The following TSHZ2 variants were observed in gnomAD, a reference collection of about 807,000 sequenced individuals.
TSHZ2 encodes teashirt homolog 2.
TSHZ2 carries 21 observed loss-of-function variants against 74.4 expected under a neutral mutation model. The observed-to-expected ratio is 0.28, with a 90% confidence interval of 0.20 to 0.41. The LOEUF is 0.41. TSHZ2 is among the 10% of genes least tolerant of loss of function. The pLI is 1.00. For synonymous variants in TSHZ2, 540 were observed against 515.3 expected (o/e 1.05, Z -0.65); for missense variants, 1,244 against 1,293.5 (o/e 0.96, Z 0.59).
intron 1 of TSHZ2, among the ~76,000 whole-genome samples, chr20:53,143,560 C>T (rs1272303137): frequency 6.6e-6 from 1 of 152,038 alleles, no homozygotes; most frequent in African/African-American, 2.4e-5. Context: ...GGCATGGTGG[C>T]GGGCACCTGT....
rs1336893276 is a variant in TSHZ2, at chr20:53,116,825, G to A, written c.41-136674G>A. On this transcript the variant is annotated intron_variant, in intron 1 of 2. Transcript: ENST00000371497. ...ATGATACAGCTGTATGTATTTGCTAGTGTCTTAGTCAGTCTGGGCTACTAT... is the reference window on the plus strand; with the variant it reads ...ATGATACAGCTGTATGTATTTGCTAATGTCTTAGTCAGTCTGGGCTACTAT... Among the ~76,000 whole-genome samples the A allele has an allele frequency of 3.9e-5, 6 of 152,102 alleles. No individual in the cohort carries two copies. In the East Asian group the frequency reaches 7.7e-4, roughly 20 times the overall value.
Position 53,147,710 on chromosome 20 carries a change from ATTTTG to A in TSHZ2, c.41-105768_41-105764del, listed in dbSNP as rs3070082. Among the ~76,000 whole-genome samples, 202 of 151,922 alleles carry A rather than the reference ATTTTG, an allele frequency of 1.3e-3. 1 individual carries two copies. The highest frequency in any genetic ancestry group is 4.3e-3 in the African/African-American group (179 of 41,430). On this transcript the variant is annotated intron_variant, in intron 1 of 2. Coordinates refer to ENST00000371497, the MANE Select transcript of TSHZ2 (RefSeq NM_173485.6). The stretch of plus-strand genomic sequence containing the variant: ...CATGCATAAAATAAGTGGTGGGTCT[ATTTTG>A]TTTTGTTTTGTTTTGTTTTGAGACA...
At chr20:53,043,333 G>A (rs111868678) in intron 1 of TSHZ2, among the ~76,000 whole-genome samples, 2,149 of 152,190 alleles carry the variant, frequency 0.014, 54 homozygotes, top group African/African-American at 0.044. Flanking sequence ...AAATGTCCCC[G>A]TTTTTGTTGT....
intron 2 of TSHZ2, among the ~76,000 whole-genome samples, chr20:53,339,170 G>A (rs1180810007): frequency 6.6e-6 from 1 of 152,184 alleles, no homozygotes; most frequent in East Asian, 1.9e-4. Context: ...TTCTTCACCT[G>A]AACTTAATTT....
intron 1 of TSHZ2, among the ~76,000 whole-genome samples, chr20:53,026,445 A>G (rs1397310471): frequency 1.3e-5 from 2 of 151,034 alleles, no homozygotes; most frequent in East Asian, 3.9e-4. Flanking sequence ...CTTGCCTCCC[A>G]GGTTCAACTG....
intron 1 of TSHZ2, among the ~76,000 whole-genome samples, chr20:53,132,741 T>C (rs1394098504): frequency 6.6e-6 from 1 of 152,208 alleles, no homozygotes; most frequent in Non-Finnish European, 1.5e-5. Flanking sequence ...CACTTTATCA[T>C]TGAGTGCCAA....
chr20:53,169,161 T>TGAGA (rs1988130740), intron 1 of TSHZ2, among the ~76,000 whole-genome samples: 1 of 152,216 alleles, frequency 6.6e-6, no homozygotes, highest in Non-Finnish European at 1.5e-5. Context: ...TGGTCTCAGA[T>TGAGA]CCAAGTAGTC....
chr20:53,385,087 T>C (rs1027589020), intron 2 of TSHZ2, among the ~76,000 whole-genome samples: 2 of 151,990 alleles, frequency 1.3e-5, no homozygotes, highest in Non-Finnish European at 1.5e-5. Flanking sequence ...CAACACTGCA[T>C]TCCAGCCTGG....
chr20:53,409,834 CTTTTTTTTTTTTTTTTTT>C (rs71194475), intron 2 of TSHZ2, among the ~76,000 whole-genome samples: 1 of 49,358 alleles, frequency 2.0e-5, no homozygotes, highest in East Asian at 7.1e-4. Context: ...GTTTTCTTTT[CTTTTTTTTTTTTTTTTTT>C]TTTTTTTTTT....
chr20:53,377,534 A>G (rs561104744), intron 2 of TSHZ2, among the ~76,000 whole-genome samples: 13 of 152,154 alleles, frequency 8.5e-5, no homozygotes, highest in Non-Finnish European at 1.3e-4. Flanking sequence ...TCTGTTACAG[A>G]TACACAACCT....
intron 1 of TSHZ2, among the ~76,000 whole-genome samples, chr20:53,215,136 A>T (rs191352191): frequency 6.6e-6 from 1 of 152,242 alleles, no homozygotes; most frequent in African/African-American, 2.4e-5. Context: ...AGATTATCTC[A>T]TCAAAACCTG....
At chr20:53,155,576 C>T (rs1389102837) in intron 1 of TSHZ2, among the ~76,000 whole-genome samples, 1 of 151,704 alleles carries the variant, frequency 6.6e-6, no homozygotes, top group Non-Finnish European at 1.5e-5. Flanking sequence ...ACAGGGCAAG[C>T]AGAAGATACC....
intron 2 of TSHZ2, among the ~76,000 whole-genome samples, chr20:53,417,241 GACACACACACACACAC>G (rs56822266): frequency 6.7e-4 from 93 of 138,124 alleles, no homozygotes; most frequent in African/African-American, 1.5e-3. Flanking sequence ...GACACACACA[GACACACACACACACAC>G]ACACACACAC....
intron 1 of TSHZ2, chr20:53,198,037 C>G (rs1385807697): frequency 3.9e-5 from 6 of 152,094 alleles, no homozygotes; most frequent in Admixed American, 3.9e-4. Context: ...AATTCGTTCC[C>G]TTGAATATGT....
intron 2 of TSHZ2, among the ~76,000 whole-genome samples, chr20:53,339,763 G>A (rs562272382): frequency 6.6e-6 from 1 of 152,304 alleles, no homozygotes; most frequent in South Asian, 2.1e-4. Flanking sequence ...CTGGAGCCCA[G>A]GAAAGCTGGG....
intron 1 of TSHZ2, among the ~76,000 whole-genome samples, chr20:53,180,616 C>A (rs1365695030): frequency 1.3e-5 from 2 of 152,146 alleles, no homozygotes; most frequent in African/African-American, 4.8e-5. Context: ...GGAGGGGCCA[C>A]AACTGCCAAC....
At chr20:53,323,410 G>GATGA (rs56672853) in intron 2 of TSHZ2, among the ~76,000 whole-genome samples, 32 of 150,756 alleles carry the variant, frequency 2.1e-4, no homozygotes, top group African/African-American at 2.2e-4. Flanking sequence ...ATACTTGTTT[G>GATGA]ATGAATGAAT....
intron 1 of TSHZ2, among the ~76,000 whole-genome samples, chr20:53,243,717 G>T (rs1040262065): frequency 6.6e-6 from 1 of 152,132 alleles, no homozygotes; most frequent in Non-Finnish European, 1.5e-5. Flanking sequence ...GATTCTTCTA[G>T]AGACAGCAAA....
At chr20:53,157,850 T>C (rs1392953021) in intron 1 of TSHZ2, among the ~76,000 whole-genome samples, 1 of 152,136 alleles carries the variant, frequency 6.6e-6, no homozygotes, top group Non-Finnish European at 1.5e-5. Flanking sequence ...CCTAGGCATT[T>C]GGGGGTCGCA....
Sources: gnomAD v4.1 joint callset for allele counts (sites outside exome capture counted in the v4.1 genomes callset) on GRCh38, gnomAD v4.1.1 for gene constraint, MANE v1.5 for transcripts, NCBI Gene and HGNC (gene_info 2026-07-23, HGNC 2026-07-21) for gene names.